The following DHX40 variants were observed in gnomAD, a reference collection of about 807,000 sequenced individuals.
DHX40 encodes the protein probable ATP-dependent RNA helicase DHX40.
DHX40 carries 28 observed loss-of-function variants against 89.6 expected under a neutral mutation model. The observed-to-expected ratio is 0.31, with a 90% confidence interval of 0.23 to 0.43. DHX40 has a LOEUF of 0.43. Among genes scored for constraint, DHX40 ranks in the 20% least tolerant of loss-of-function variants. The probability of loss-of-function intolerance (pLI) is 1.00; values close to 1 mark genes in which losing one functional copy is unlikely to be tolerated. For synonymous variants in DHX40, 226 were observed against 283.6 expected, an observed-to-expected ratio of 0.80 and a Z score of 2.04; for missense variants, 457 against 844.0, an observed-to-expected ratio of 0.54 and a Z score of 5.68.
chr17:59,567,511 G>A (rs969873670), intron 2 of DHX40, among the ~76,000 whole-genome samples: 46 of 152,290 alleles, frequency 3.0e-4, no homozygotes, highest in Admixed American at 8.5e-4. Flanking sequence ...TTCTGTTTCT[G>A]CTTTCCTCAG....
chr17:59,566,757 T>G lies in DHX40; in HGVS notation c.243T>G (p.Gly81=), dbSNP rs1469178989. ...TTGTTACTGGAAATACAGGAAGTGG[T>G]AAAACAACTCAACTCCCAAAATATC... ...FLIVTGNTGS[G]KTTQLPKYLY... The change falls in exon 2 of 18, where the codon GGT becomes GGG. Residue 81 remains glycine (G), a synonymous_variant. Transcript: ENST00000251241. 7 of 1,591,824 alleles carry G rather than the reference T, an allele frequency of 4.4e-6. No individual in the cohort carries two copies. Among genetic ancestry groups the G allele is most frequent in the Non-Finnish European group, 6.0e-6 (7 of 1,174,418 alleles).
chr17:59,590,994 A>T (rs1428665742), intron 12 of DHX40, among the ~76,000 whole-genome samples: 1 of 150,590 alleles, frequency 6.6e-6, no homozygotes, highest in Non-Finnish European at 1.5e-5. Flanking sequence ...GCAACATAGC[A>T]AGACCCCATC....
chr17:59,566,180 C>T lies in DHX40; in HGVS notation c.112+397C>T, dbSNP rs567320154. Among the ~76,000 whole-genome samples, 6 of 152,270 alleles carry T rather than the reference C, an allele frequency of 3.9e-5. No homozygotes were observed. The South Asian group carries it at 6.2e-4, about 16-fold the overall frequency. ...TTTCCATGGTTACCCACCACTTGGC[C>T]TTCTGGGATATCAGTCGCTCTGAAC... On this transcript the variant is annotated intron_variant, in intron 1 of 17. Coordinates refer to ENST00000251241, the MANE Select transcript of DHX40 (RefSeq NM_024612.5).
intron 12 of DHX40, among the ~76,000 whole-genome samples, chr17:59,598,472 A>C (rs1466538031): frequency 6.6e-6 from 1 of 152,116 alleles, no homozygotes. Context: ...TAATTTAAAA[A>C]GTAAATTACA....
At chr17:59,604,710 A>G (rs1366366753) in intron 15 of DHX40, 1 of 166,014 alleles carries the variant, frequency 6.0e-6, no homozygotes, top group Non-Finnish European at 1.3e-5. Context: ...ATAGTATAAC[A>G]TAAAGAAACC....
Position 59,570,436 on chromosome 17 carries a change from G to A in DHX40, c.281-82G>A, listed in dbSNP as rs928650468. 3 of 1,433,446 alleles carry A rather than the reference G, an allele frequency of 2.1e-6. No individual in the cohort carries two copies. The African/African-American group carries it at 4.4e-5, about 21-fold the overall frequency. The allele number at this position is 1,433,446 out of a possible 1,614,324, so 88.8% of individuals were successfully genotyped here. A position where few individuals can be genotyped will look rare whatever the true frequency, so the allele number is the denominator to read the frequency against. On this transcript the variant is annotated intron_variant, in intron 2 of 17. Transcript: ENST00000251241. ...TTTGGAAACATTCAAGCAGTTTTGT[G>A]TTGATTGGCCAAAAACAATTTAGCT...
Position 59,570,533 on chromosome 17 carries a change from G to T in DHX40, c.296G>T (p.Gly99Val). The T allele has an allele frequency of 6.2e-7, 1 of 1,600,832 alleles. No individual in the cohort carries two copies. The highest frequency in any genetic ancestry group is 1.1e-5 in the South Asian group (1 of 89,516). ...GTTTTGATAGGGTTTTCACAACATGGTATGATTGGTGTAACTCAACCACGA... is the reference window on the plus strand; with the variant it reads ...GTTTTGATAGGGTTTTCACAACATGTTATGATTGGTGTAACTCAACCACGA... ...YLYEAGFSQH[G>V]MIGVTQPRKV... Residue 99 changes from glycine to valine, a missense_variant, in exon 3 of 18, where the codon GGT becomes GTT. Coordinates refer to ENST00000251241, the MANE Select transcript of DHX40 (RefSeq NM_024612.5).
intron 8 of DHX40, among the ~76,000 whole-genome samples, chr17:59,577,753 G>A (rs1453750665): frequency 2.0e-5 from 3 of 152,116 alleles, no homozygotes; most frequent in African/African-American, 7.2e-5. Context: ...GTACTTGGCT[G>A]TTCACACTTT....
At chr17:59,606,807 C>T (rs1306464920) in intron 17 of DHX40, among the ~76,000 whole-genome samples, 4 of 150,736 alleles carry the variant, frequency 2.7e-5, no homozygotes, top group Admixed American at 6.6e-5. Flanking sequence ...AGTGTAATAA[C>T]ACTGCCACAT....
At position 59,570,645 on chromosome 17, in the gene DHX40, T is replaced by C; in HGVS notation, c.408T>C (p.Phe136=). Residue 136 remains phenylalanine, a synonymous_variant, in exon 3 of 18, where the codon TTT becomes TTC. Coordinates refer to ENST00000251241, the MANE Select transcript of DHX40 (RefSeq NM_024612.5). ...LGSKVGYQVR[F]DDCSSKETAI... is the part of the protein sequence containing the mutation. ...CCAAAGTAGGATACCAAGTTCGTTT[T>C]GATGATTGCAGTTCTAAGGTACAAA... 1 of 1,608,286 alleles carries C rather than the reference T, an allele frequency of 6.2e-7. No individual in the cohort carries two copies. The highest frequency in any genetic ancestry group is 8.5e-7 in the Non-Finnish European group (1 of 1,177,278).
Position 59,581,760 on chromosome 17 carries a change from C to CA in DHX40, c.1343+1896dup, listed in dbSNP as rs545040399. Among the ~76,000 whole-genome samples the CA allele has an allele frequency of 8.5e-3, 352 of 41,338 alleles. 31 individuals carry two copies. Among genetic ancestry groups the CA allele is most frequent in the South Asian group, 9.2e-3 (9 of 978 alleles). The allele number at this position is 41,338 out of a possible 152,430, so 27.1% of individuals were successfully genotyped here. A position where few individuals can be genotyped will look rare whatever the true frequency, so the allele number is the denominator to read the frequency against. On this transcript the variant is annotated intron_variant, in intron 10 of 17. Transcript: ENST00000251241. ...GGCAACAAGAGCGAAACTCTGTCTCCAAAAAAAAAAAAAAACCAAAAAAAG... is the reference window on the plus strand; with the variant it reads ...GGCAACAAGAGCGAAACTCTGTCTCCAAAAAAAAAAAAAAAACCAAAAAAAG...
At chr17:59,574,309 G>T (rs1420683800) in intron 6 of DHX40, 55 bp downstream of exon 6, 2 of 338,050 alleles carry the variant, frequency 5.9e-6, no homozygotes, top group Non-Finnish European at 5.3e-6. Flanking sequence ...AAGGAATGTG[G>T]CACCCAGATA....
chr17:59,586,093 T>C, intron 10 of DHX40, 60 bp from the exon 11 acceptor site: 4 of 1,252,568 alleles, frequency 3.2e-6, no homozygotes, highest in South Asian at 1.4e-5. Context: ...GTCATGTCTA[T>C]ATAAAATCCT....
At chr17:59,567,365 T>C (rs2048721579) in intron 2 of DHX40, among the ~76,000 whole-genome samples, 2 of 152,214 alleles carry the variant, frequency 1.3e-5, no homozygotes, top group African/African-American at 4.8e-5. Context: ...ACTAAATTTT[T>C]CATCTACTGA....
At position 59,607,470 on chromosome 17, in the gene DHX40, G is replaced by A. The variant is rs2143388186; in HGVS notation, c.*298G>A. The A allele has an allele frequency of 3.4e-6, 2 of 581,350 alleles. No individual in the cohort carries two copies. The highest frequency in any genetic ancestry group is 2.8e-5 in the East Asian group (1 of 36,126). The allele number at this position is 581,350 out of a possible 1,614,324, so 36.0% of individuals were successfully genotyped here. ...TTGCTGGCCTTAACTGGTATCAAAC[G>A]CTGTCATTGAGATGTTTTCAAAGAA... On this transcript the variant is annotated 3_prime_UTR_variant, in exon 18 of 18. Coordinates refer to ENST00000251241, the MANE Select transcript of DHX40 (RefSeq NM_024612.5).
In DHX40 at chr17:59,565,625, T is replaced by G; in HGVS notation, c.-47T>G. The G allele has an allele frequency of 6.5e-7, 1 of 1,539,474 alleles. No individual in the cohort carries two copies. Among genetic ancestry groups the G allele is most frequent in the Non-Finnish European group, 8.8e-7 (1 of 1,138,528 alleles). On this transcript the variant is annotated 5_prime_UTR_variant, in exon 1 of 18. Transcript: ENST00000251241. The stretch of plus-strand genomic sequence containing the variant: ...GCGCGTCCTCGTCTTTCCCCTCCCA[T>G]CTCCTCAGATCGGTGGACGTGCTCG...
chr17:59,605,817 T>C lies in DHX40; in HGVS notation c.2200+143T>C, dbSNP rs985699617. 4 of 827,276 alleles carry C rather than the reference T, an allele frequency of 4.8e-6. No homozygotes were observed. In the African/African-American group the frequency reaches 6.7e-5, roughly 14 times the overall value. The allele number at this position is 827,276 out of a possible 1,614,324, so 51.2% of individuals were successfully genotyped here. ...TCTCTAGCAAAATAAAAATAAAAAT[T>C]AGCCAGGCATGTTGGTGTGCACCTG... is the stretch of plus-strand genomic sequence containing the variant. On this transcript the variant is annotated intron_variant, in intron 17 of 17. Coordinates refer to ENST00000251241, the MANE Select transcript of DHX40 (RefSeq NM_024612.5).
In DHX40 at chr17:59,607,288, C is replaced by T. The variant is rs2030929046; in HGVS notation, c.*116C>T. The T allele has an allele frequency of 6.3e-7, 1 of 1,592,392 alleles. No homozygotes were observed. Among genetic ancestry groups the T allele is most frequent in the Non-Finnish European group, 8.6e-7 (1 of 1,165,566 alleles). The stretch of plus-strand genomic sequence containing the variant: ...GAGGTGGTCAGCACTTGTTATTGGC[C>T]TATGAACTAAAAGCAAATCAAAGCT... On this transcript the variant is annotated 3_prime_UTR_variant, in exon 18 of 18. Transcript: ENST00000251241.
At chr17:59,566,477 C>T (rs920360479) in intron 1 of DHX40, 150 bp from the exon 2 acceptor site, 1 of 748,684 alleles carries the variant, frequency 1.3e-6, no homozygotes, top group Non-Finnish European at 2.0e-6. Flanking sequence ...CGCTCATTAA[C>T]GCTCACTTAC....
Sources: allele counts gnomAD v4.1 joint callset (sites outside exome capture counted in the v4.1 genomes callset), GRCh38; gene constraint gnomAD v4.1.1; transcripts MANE v1.5; gene names NCBI Gene and HGNC (gene_info 2026-07-23, HGNC 2026-07-21).